NFRKB: variants seen among roughly 807,000 people sequenced by gnomAD.
The protein encoded by NFRKB is nuclear factor related to kappaB binding protein.
A neutral mutation model predicts 135.7 loss-of-function variants in NFRKB; 62 were observed. The ratio of observed to expected loss-of-function variants is 0.46; its 90% CI spans 0.37 to 0.56. The LOEUF (loss-of-function observed/expected upper bound fraction) is 0.56, where lower values mean the gene tolerates loss of function less well. Ranked by LOEUF, NFRKB falls within the 20% of genes least tolerant of loss-of-function variation. The probability of loss-of-function intolerance (pLI) is 0.00; values close to 1 mark genes in which losing one functional copy is unlikely to be tolerated. For synonymous variants in NFRKB, 678 were observed against 635.6 expected (o/e 1.07, Z -1.00); for missense variants, 1,545 against 1,662.0 (o/e 0.93, Z 1.22).
intron 22 of NFRKB, among the ~76,000 whole-genome samples, chr11:129,873,486 G>A (rs548811031): frequency 4.6e-5 from 7 of 152,292 alleles, no homozygotes; most frequent in South Asian, 4.1e-4. Flanking sequence ...TTTACAACCC[G>A]CCTCTACGAA....
At chr11:129,866,562 CT>C (rs1948203176) in intron 24 of NFRKB, among the ~76,000 whole-genome samples, 2 of 151,506 alleles carry the variant, frequency 1.3e-5, no homozygotes, top group African/African-American at 4.9e-5. Flanking sequence ...GAGAGGTTAG[CT>C]AGGGGACACT....
intron 24 of NFRKB, 111 bp from the exon 25 acceptor site, chr11:129,866,094 C>T (rs1166630900): frequency 8.2e-6 from 7 of 849,328 alleles, no homozygotes; most frequent in African/African-American, 1.7e-5. Flanking sequence ...TGCTGTCAGT[C>T]CCCAGTACCC....
intron 3 of NFRKB, among the ~76,000 whole-genome samples, chr11:129,889,951 C>CATGTGTGTGTGT (rs112601207): frequency 2.2e-5 from 3 of 135,286 alleles, no homozygotes; most frequent in African/African-American, 8.4e-5. Context: ...TATTGTCTTA[C>CATGTGTGTGTGT]GTGTGTGTGT....
rs530896617 is a variant in NFRKB, at chr11:129,890,606, T to C, written c.136-1811A>G. 3.3e-5 allele frequency among the ~76,000 whole-genome samples: 5 copies of C among 152,342 alleles called. No individual in the cohort carries two copies. In the South Asian group the frequency reaches 1.0e-3, roughly 32 times the overall value. ...AACTGGGTGATGCATAGATGACTGT[T>C]TGCTATACCATGCTCCACACCTGTA... On this transcript the variant is annotated intron_variant, in intron 3 of 26. Coordinates refer to ENST00000682444, the MANE Select transcript of NFRKB (RefSeq NM_001143835.2).
intron 6 of NFRKB, among the ~76,000 whole-genome samples, chr11:129,885,146 C>T (rs1949212641): frequency 6.6e-6 from 1 of 152,324 alleles, no homozygotes; most frequent in African/African-American, 2.4e-5. Flanking sequence ...CAGTCAGGCC[C>T]ACTGTGGAGA....
intron 12 of NFRKB, 24 bp downstream of exon 12, chr11:129,881,703 A>C (rs1949036356): frequency 6.2e-7 from 1 of 1,612,356 alleles, no homozygotes. Context: ...AAAAATACTG[A>C]CCCTACAAAA....
rs1490400776 is a variant in NFRKB at position 129,869,672 on chromosome 11, G to A, written c.3353C>T (p.Ala1118Val). Residue 1118 changes from alanine (A) to valine (V), a missense_variant, in exon 24 of 27, where the codon GCC becomes GTC. Ala to Val is a moderately conservative substitution (Grantham distance 64, BLOSUM62 0). This residue lies in a region of NFRKB where 753 missense variants were observed against 804.3 expected (regional missense o/e 0.94). Coordinates refer to ENST00000682444, the MANE Select transcript of NFRKB (RefSeq NM_001143835.2). Reference protein sequence around the residue: ...ATHAKQGASVASGSGTVHTSA... With the variant: ...ATHAKQGASVVSGSGTVHTSA... Reference sequence around the variant, plus strand: ...AGTATGGACAGTTCCAGACCCACTGGCCACCGAGGCCCCTTGCTTGGCGTG... The same window carrying A: ...AGTATGGACAGTTCCAGACCCACTGACCACCGAGGCCCCTTGCTTGGCGTG... The A allele has an allele frequency of 9.9e-6, 16 of 1,614,084 alleles. No individual in the cohort carries two copies. The highest frequency in any genetic ancestry group is 1.4e-5 in the Non-Finnish European group (16 of 1,180,046).
rs370896357 is a variant in NFRKB, at chr11:129,873,878, C to T, written c.2417G>A (p.Arg806Gln). The T allele has an allele frequency of 3.1e-5, 50 of 1,613,950 alleles. No individual in the cohort carries two copies. The African/African-American group carries it at 4.7e-4, about 15-fold the overall frequency. Reference protein sequence around the residue: ...HSGSAGLSQVRVVAQPSLPAV... With the variant: ...HSGSAGLSQVQVVAQPSLPAV... ...AGGAAGGCTAGGCTGGGCCACCACT[C>T]GCACCTGAGACAGTCCAGCAGAGCC... The change falls in exon 22 of 27, where the codon CGA becomes CAA. Residue 806 changes from arginine to glutamine, a missense_variant. Physicochemically the swap from Arg to Gln is conservative, Grantham distance 43. This residue lies in a region of NFRKB where 753 missense variants were observed against 804.3 expected (regional missense o/e 0.94). Coordinates refer to ENST00000682444, the MANE Select transcript of NFRKB (RefSeq NM_001143835.2).
chr11:129,874,742 G>A lies in NFRKB; in HGVS notation c.1978+51C>T. On this transcript the variant is annotated intron_variant, in intron 19 of 26. Transcript: ENST00000682444. The surrounding 1 kb of genome is among the most constrained non-coding windows in gnomAD (Gnocchi z 4.5). ...AAGAATAATGGAATTGGGGTAGAAA[G>A]TCAGAACGTATCCCCAGTCTGGTCG... 2 of 1,613,690 alleles carry A rather than the reference G, an allele frequency of 1.2e-6. No individual in the cohort carries two copies. The highest frequency in any genetic ancestry group is 1.1e-5 in the South Asian group (1 of 91,052).
chr11:129,865,982 C>T lies in NFRKB; in HGVS notation c.3533G>A (p.Gly1178Glu). ...STTVVSTSQAGKLPTRITVPL... is the reference protein window; with the variant it reads ...STTVVSTSQAEKLPTRITVPL... ...AACTGTGATCCGTGTAGGCAACTTC[C>T]CCTAGAAAAAAAAAGCAGTCAGGTT... The change falls in exon 25 of 27, where the codon GGG becomes GAG. Residue 1178 changes from glycine (G) to glutamate (E), a missense_variant and splice_region_variant. Gly to Glu is a moderately conservative substitution (Grantham distance 98). This residue lies in a region of NFRKB where 753 missense variants were observed against 804.3 expected (regional missense o/e 0.94). Coordinates refer to ENST00000682444, the MANE Select transcript of NFRKB (RefSeq NM_001143835.2). 1.3e-6 allele frequency: 2 copies of T among 1,576,176 alleles called. No homozygotes were observed. Among genetic ancestry groups the T allele is most frequent in the Non-Finnish European group, 1.7e-6 (2 of 1,162,736 alleles).
chr11:129,882,310 A>G (rs958306430), intron 10 of NFRKB, 116 bp from the exon 11 acceptor site: 116 of 1,341,232 alleles, frequency 8.6e-5, no homozygotes, highest in African/African-American at 8.5e-4. Flanking sequence ...AGCAAACAAT[A>G]TATTTTCCCA....
intron 23 of NFRKB, chr11:129,872,551 TCTA>T (rs1948564507): frequency 5.1e-6 from 1 of 194,994 alleles, no homozygotes; most frequent in Non-Finnish European, 1.1e-5. Flanking sequence ...AGAAGCAAAT[TCTA>T]CTTTCACGAG....
At chr11:129,888,395 G>A in intron 4 of NFRKB, 199 bp downstream of exon 4, 1 of 692,632 alleles carries the variant, frequency 1.4e-6, no homozygotes, top group South Asian at 1.5e-5. Context: ...TTCATATTAT[G>A]TATTTTCTAT....
intron 8 of NFRKB, among the ~76,000 whole-genome samples, chr11:129,883,416 C>G (rs1043810817): frequency 6.6e-6 from 1 of 152,192 alleles, no homozygotes; most frequent in Non-Finnish European, 1.5e-5. Flanking sequence ...CAGTTCCAAT[C>G]TTTCTACCGT....
At chr11:129,870,692 G>A (rs1249550704) in intron 23 of NFRKB, among the ~76,000 whole-genome samples, 5 of 152,102 alleles carry the variant, frequency 3.3e-5, no homozygotes, top group African/African-American at 1.2e-4. Context: ...TCAGTCTCCT[G>A]AGTAGCTGGG....
chr11:129,869,422 G>C, intron 24 of NFRKB, 72 bp downstream of exon 24: 1 of 1,475,240 alleles, frequency 6.8e-7, no homozygotes, highest in Non-Finnish European at 9.0e-7. Flanking sequence ...GGAGTTTCTC[G>C]GGTAATGGGC....
Position 129,874,300 on chromosome 11 carries a change from G to T in NFRKB, c.2092C>A (p.Leu698Ile). ...CTCTGCTCAGAAGGGCCACTGCTAA[G>T]GACCTTTATGGAGCTCTCCTTGCTA... Reference protein sequence around the residue: ...SSSKESSIKVLSSGPSEQSQM... With the variant: ...SSSKESSIKVISSGPSEQSQM... Residue 698 changes from leucine to isoleucine, a missense_variant, in exon 21 of 27, where the codon CTT (leucine) becomes ATT (isoleucine). Around this residue, in one of 3 missense-constraint regions of NFRKB, gnomAD observed 753 missense variants for 804.3 expected, o/e 0.94. Transcript: ENST00000682444. The surrounding 1 kb of genome is among the most constrained non-coding windows in gnomAD (Gnocchi z 4.5). 6.6e-7 allele frequency: 1 copy of T among 1,516,960 alleles called. No individual in the cohort carries two copies. The highest frequency in any genetic ancestry group is 8.8e-7 in the Non-Finnish European group (1 of 1,134,960). 94.0% of individuals were successfully genotyped at this position (1,516,960 alleles called of 1,614,324 possible). A position where few individuals can be genotyped will look rare whatever the true frequency, so the allele number is the denominator to read the frequency against.
chr11:129,869,441 C>T, intron 24 of NFRKB, 53 bp downstream of exon 24: 1 of 1,517,886 alleles, frequency 6.6e-7, no homozygotes, highest in South Asian at 1.3e-5. Context: ...GCAGTTGAGC[C>T]TTGATTAAGT....
chr11:129,875,020 G>A lies in NFRKB; in HGVS notation c.1855-104C>T, dbSNP rs529786799. 7.7e-6 allele frequency: 11 copies of A among 1,426,938 alleles called. No individual in the cohort carries two copies. In the African/African-American group the frequency reaches 1.3e-4, roughly 16 times the overall value. The allele number at this position is 1,426,938 out of a possible 1,614,324, so 88.4% of individuals were successfully genotyped here. ...TCATTGTATCTAAATCACAGCTGAT[G>A]CAGATTCTATCTCAGCCTAGCTGCG... On this transcript the variant is annotated intron_variant, in intron 18 of 26. Coordinates refer to ENST00000682444, the MANE Select transcript of NFRKB (RefSeq NM_001143835.2).
Sources: gnomAD v4.1 joint callset for allele counts (sites outside exome capture counted in the v4.1 genomes callset) on GRCh38, gnomAD v4.1.1 for gene constraint, gnomAD v4.1.1 regional missense constraint, Gnocchi (gnomAD v3.1) non-coding constraint, MANE v1.5 for transcripts, NCBI Gene and HGNC (gene_info 2026-07-23, HGNC 2026-07-21) for gene names.